The following MOCS1 variants were observed in gnomAD, a reference collection of about 807,000 sequenced individuals.
The protein encoded by MOCS1 is molybdenum cofactor synthesis 1, also known as molybdenum cofactor biosynthesis protein 1.
A neutral mutation model predicts 57.6 loss-of-function variants in MOCS1; 39 were observed. That is an observed-to-expected ratio of 0.68 (90% CI 0.52 to 0.88). The LOEUF is 0.88. Ranked by LOEUF, MOCS1 falls within the 40% of genes least tolerant of loss-of-function variation. The probability of loss-of-function intolerance (pLI) is 0.00; values close to 1 mark genes in which losing one functional copy is unlikely to be tolerated. For synonymous variants in MOCS1, 334 were observed against 335.7 expected (o/e 1.00, Z 0.05); for missense variants, 795 against 831.1 (o/e 0.96, Z 0.53).
chr6:39,931,883 T>C (rs889571134), intron 1 of MOCS1, among the ~76,000 whole-genome samples: 2 of 152,126 alleles, frequency 1.3e-5, no homozygotes, highest in Non-Finnish European at 2.9e-5. Context: ...GAAAGAGGGA[T>C]ACAGCACTCC....
chr6:39,913,892 C>A, intron 4 of MOCS1, 57 bp from the exon 5 acceptor site: 1 of 1,545,542 alleles, frequency 6.5e-7, no homozygotes, highest in Non-Finnish European at 8.9e-7. Flanking sequence ...TTCCCCCACA[C>A]CCCCACAGAA....
At chr6:39,933,299 C>A (rs983452800) in intron 1 of MOCS1, among the ~76,000 whole-genome samples, 4 of 152,154 alleles carry the variant, frequency 2.6e-5, no homozygotes, top group African/African-American at 9.7e-5. Flanking sequence ...TCTCAGCCAT[C>A]TTTGCTTTCC....
Position 39,916,211 on chromosome 6 carries a change from C to A in MOCS1, c.440G>T (p.Gly147Val), listed in dbSNP as rs1165967423. 1.2e-6 allele frequency: 2 copies of A among 1,613,828 alleles called. No individual in the cohort carries two copies. The highest frequency in any genetic ancestry group is 1.7e-6 in the Non-Finnish European group (2 of 1,179,976). ...GGTGGTAACACCTATGGTTCTCAGCCCTTCCAGCCGCTGGAGCTGGGCTGT... is the reference window on the plus strand; with the variant it reads ...GGTGGTAACACCTATGGTTCTCAGCACTTCCAGCCGCTGGAGCTGGGCTGT... ...DIVAQLQRLE[G>V]LRTIGVTTNG... The change falls in exon 4 of 11, where the codon GGG (glycine) becomes GTG (valine). Residue 147 changes from glycine (G) to valine (V), a missense_variant. Physicochemically the swap from Gly to Val is moderately radical, Grantham distance 109. Transcript: ENST00000340692.
chr6:39,933,766 C>T (rs1363632761), intron 1 of MOCS1, among the ~76,000 whole-genome samples: 1 of 152,008 alleles, frequency 6.6e-6, no homozygotes, highest in Non-Finnish European at 1.5e-5. Flanking sequence ...GCTGAACCCT[C>T]CCAAGGTTAA....
At chr6:39,929,496 A>AC (rs1037010955) in intron 1 of MOCS1, among the ~76,000 whole-genome samples, 3 of 150,952 alleles carry the variant, frequency 2.0e-5, no homozygotes, top group Non-Finnish European at 4.4e-5. Flanking sequence ...TTGCCAAGAT[A>AC]CCCCCCCTCA....
intron 3 of MOCS1, among the ~76,000 whole-genome samples, chr6:39,921,775 AT>A (rs986421878): frequency 2.6e-5 from 4 of 151,992 alleles, no homozygotes; most frequent in East Asian, 3.9e-4. Flanking sequence ...GCAATGAGTG[AT>A]TTTTTTTCAA....
rs886061386 is a variant in MOCS1, at chr6:39,905,719, G to C, written c.*638C>G. On this transcript the variant is annotated 3_prime_UTR_variant, in exon 11 of 11. Transcript: ENST00000340692. Reference sequence around the variant, plus strand: ...TGTGTGCACATCCTGTTTCAGAAGAGGGGGGCCAGAGGAAAAGGGGCCAGC... The same window carrying C: ...TGTGTGCACATCCTGTTTCAGAAGACGGGGGCCAGAGGAAAAGGGGCCAGC... The C allele has an allele frequency of 4.9e-5, 23 of 471,042 alleles. No individual in the cohort carries two copies. Among genetic ancestry groups the C allele is most frequent in the Non-Finnish European group, 9.7e-5 (22 of 227,072 alleles). 29.2% of individuals were successfully genotyped at this position (471,042 alleles called of 1,614,324 possible).
At chr6:39,908,955 G>T (rs1427053352) in intron 10 of MOCS1, 100 bp downstream of exon 10, 2 of 973,700 alleles carry the variant, frequency 2.1e-6, no homozygotes, top group Admixed American at 1.7e-5. Context: ...TGAGAAATCA[G>T]CATGAAATGC....
At chr6:39,909,640 C>A (rs1462801188) in intron 9 of MOCS1, among the ~76,000 whole-genome samples, 195 bp downstream of exon 9, 1 of 152,152 alleles carries the variant, frequency 6.6e-6, no homozygotes, top group Admixed American at 6.5e-5. Context: ...TATGACTTTT[C>A]CCCATGGAAG....
Position 39,907,108 on chromosome 6 carries a change from A to G in MOCS1, c.1160T>C (p.Leu387Ser). 3 of 1,611,146 alleles carry G rather than the reference A, an allele frequency of 1.9e-6. No individual in the cohort carries two copies. The highest frequency in any genetic ancestry group is 2.5e-6 in the Non-Finnish European group (3 of 1,178,862). ...NRPMILIELF[L>S]MFPNSPPANP... is the part of the protein sequence containing the mutation. ...GGCTGGTGGGGAATTGGGGAACATC[A>G]AAAATAACTCTGCAAGGCAAGAAGA... The change falls in exon 11 of 11, where the codon TTG becomes TCG. Residue 387 changes from leucine to serine, a missense_variant. By Grantham distance (145) the Leu-to-Ser change is moderately radical. This residue lies in a region of MOCS1 where 374 missense variants were observed against 422.6 expected (regional missense o/e 0.89). Transcript: ENST00000340692.
At chr6:39,910,484 C>A (rs899850625) in intron 8 of MOCS1, among the ~76,000 whole-genome samples, 1 of 152,194 alleles carries the variant, frequency 6.6e-6, no homozygotes, top group African/African-American at 2.4e-5. Flanking sequence ...CTGGGCATGA[C>A]AACTTAAGGT....
intron 3 of MOCS1, among the ~76,000 whole-genome samples, chr6:39,923,446 T>C (rs748387590): frequency 6.6e-6 from 1 of 152,206 alleles, no homozygotes; most frequent in Non-Finnish European, 1.5e-5. Context: ...CGAGTCCTCA[T>C]ACCAGTGCTC....
rs778501170 is a variant in MOCS1 at position 39,913,361 on chromosome 6, C to A, written c.713G>T (p.Gly238Val). ...ELLDFAALTE[G>V]LPLDVRFIEY... ...TATGAAGCGCACATCCAGGGGGAGGCCCTCAGTCAAGGCCGCAAAGTCCAG... is the reference window on the plus strand; with the variant it reads ...TATGAAGCGCACATCCAGGGGGAGGACCTCAGTCAAGGCCGCAAAGTCCAG... Residue 238 changes from glycine to valine, a missense_variant, in exon 6 of 11, where the codon GGC (glycine) becomes GTC (valine). This residue lies in a region of MOCS1 where 416 missense variants were observed against 392.4 expected (regional missense o/e 1.06). Transcript: ENST00000340692. 8.7e-6 allele frequency: 14 copies of A among 1,614,194 alleles called. No homozygotes were observed. Among genetic ancestry groups the A allele is most frequent in the Non-Finnish European group, 1.2e-5 (14 of 1,180,028 alleles).
At chr6:39,920,660 A>C (rs1214885462) in intron 3 of MOCS1, among the ~76,000 whole-genome samples, 1 of 152,204 alleles carries the variant, frequency 6.6e-6, no homozygotes, top group African/African-American at 2.4e-5. Flanking sequence ...TACAAACTTC[A>C]AAACGCTATA....
intron 1 of MOCS1, among the ~76,000 whole-genome samples, chr6:39,933,681 A>T (rs1162491707): frequency 2.0e-5 from 3 of 152,206 alleles, no homozygotes; most frequent in Non-Finnish European, 4.4e-5. Flanking sequence ...GATCTTACCC[A>T]AAACCCTAAA....
chr6:39,920,673 T>G (rs1767915087), intron 3 of MOCS1, among the ~76,000 whole-genome samples: 1 of 152,172 alleles, frequency 6.6e-6, no homozygotes, highest in South Asian at 2.1e-4. Flanking sequence ...ACGCTATATC[T>G]ACTTTTTAAA....
chr6:39,915,587 GTAGGAGGTGCA>G (rs1211642170), intron 4 of MOCS1, among the ~76,000 whole-genome samples: 2 of 152,134 alleles, frequency 1.3e-5, no homozygotes, highest in Non-Finnish European at 2.9e-5. Context: ...TGTGCCTGTA[GTAGGAGGTGCA>G]TAGGAGGGGC....
chr6:39,934,444 C>A lies in MOCS1; in HGVS notation c.-27G>T, dbSNP rs73416811. The A allele has an allele frequency of 6.1e-3, 9,578 of 1,560,378 alleles. 456 individuals carry two copies. The African/African-American group carries it at 0.1, about 17-fold the overall frequency. The stretch of plus-strand genomic sequence containing the variant: ...AAGCCTGATACGAGCGGAACCGCAG[C>A]CCGCTTCGGGAGCACACTGGCCGGG... On this transcript the variant is annotated 5_prime_UTR_variant, in exon 1 of 11. Coordinates refer to ENST00000340692, the MANE Select transcript of MOCS1 (RefSeq NM_001358530.2).
intron 10 of MOCS1, 95 bp downstream of exon 10, chr6:39,908,960 A>C (rs1767122803): frequency 2.0e-6 from 2 of 1,016,534 alleles, no homozygotes; most frequent in East Asian, 4.7e-5. Flanking sequence ...AATCAGCATG[A>C]AATGCAGGAG....
Sources: gnomAD v4.1 joint callset for allele counts (sites outside exome capture counted in the v4.1 genomes callset) on GRCh38, gnomAD v4.1.1 for gene constraint, gnomAD v4.1.1 regional missense constraint, MANE v1.5 for transcripts, NCBI Gene and HGNC (gene_info 2026-07-23, HGNC 2026-07-21) for gene names.